Variants in LNPK observed in about 807,000 individuals in gnomAD.
LNPK encodes lunapark, ER junction formation factor, also known as endoplasmic reticulum junction formation protein lunapark.
A neutral mutation model predicts 55.2 loss-of-function variants in LNPK; 29 were observed. That is an observed-to-expected ratio of 0.53 (90% CI 0.39 to 0.72). The LOEUF (loss-of-function observed/expected upper bound fraction) is 0.72, where lower values mean the gene tolerates loss of function less well. Among genes scored for constraint, LNPK ranks in the 30% least tolerant of loss-of-function variants. LNPK has a pLI of 0.00. For synonymous variants in LNPK, 162 were observed against 168.2 expected, an observed-to-expected ratio of 0.96 and a Z score of 0.29; for missense variants, 467 against 494.8, an observed-to-expected ratio of 0.94 and a Z score of 0.53.
At chr2:175,959,264 G>A (rs1685878369) in intron 8 of LNPK, among the ~76,000 whole-genome samples, 1 of 152,194 alleles carries the variant, frequency 6.6e-6, no homozygotes, top group South Asian at 2.1e-4. Flanking sequence ...ACACGTAATT[G>A]TCAGATTCAC....
intron 12 of LNPK, among the ~76,000 whole-genome samples, chr2:175,936,961 C>T (rs898853914): frequency 1.3e-5 from 2 of 152,062 alleles, no homozygotes; most frequent in African/African-American, 4.8e-5. Context: ...CCTATTTTAT[C>T]AATATTAATC....
intron 8 of LNPK, among the ~76,000 whole-genome samples, chr2:175,950,659 T>A (rs1685352559): frequency 6.6e-6 from 1 of 152,130 alleles, no homozygotes. Flanking sequence ...GTCATAATTT[T>A]AGCTCCACCC....
At chr2:175,941,129 T>C (rs1427509904) in intron 9 of LNPK, 1 of 361,148 alleles carries the variant, frequency 2.8e-6, no homozygotes, top group Non-Finnish European at 5.5e-6. Context: ...CATGCACCTG[T>C]AGTCCCAGCT....
At chr2:175,957,634 C>G (rs1041610013) in intron 8 of LNPK, among the ~76,000 whole-genome samples, 230 of 152,252 alleles carry the variant, frequency 1.5e-3, no homozygotes, top group African/African-American at 5.3e-3. Flanking sequence ...CAGCTCCCAG[C>G]ACGATCAACA....
chr2:175,925,350 C>T lies in LNPK; in HGVS notation c.*4617G>A, dbSNP rs1683962538. ...GAACGATTCCAATTCAATTAAACAGCTATTTTTATTTAGTGCCCCCAATGT... is the reference window on the plus strand; with the variant it reads ...GAACGATTCCAATTCAATTAAACAGTTATTTTTATTTAGTGCCCCCAATGT... On this transcript the variant is annotated 3_prime_UTR_variant, in exon 13 of 13. Transcript: ENST00000272748. 1 of 152,144 alleles carries T rather than the reference C, an allele frequency of 6.6e-6. No homozygotes were observed. Among genetic ancestry groups the T allele is most frequent in the Non-Finnish European group, 1.5e-5 (1 of 68,028 alleles). The allele number at this position is 152,144 out of a possible 1,614,324, so 9.4% of individuals were successfully genotyped here.
At chr2:175,966,524 G>A (rs1010867563) in intron 6 of LNPK, among the ~76,000 whole-genome samples, 1 of 152,116 alleles carries the variant, frequency 6.6e-6, no homozygotes, top group Non-Finnish European at 1.5e-5. Context: ...TCGAATGATT[G>A]CATTCCTGGT....
At chr2:175,973,028 G>C (rs1453076125) in intron 5 of LNPK, among the ~76,000 whole-genome samples, 1 of 152,092 alleles carries the variant, frequency 6.6e-6, no homozygotes, top group East Asian at 1.9e-4. Flanking sequence ...CCTGCTTCTT[G>C]TTTCCATTTT....
intron 7 of LNPK, 23 bp downstream of exon 7, chr2:175,964,483 T>C: frequency 6.3e-7 from 1 of 1,583,322 alleles, no homozygotes; most frequent in Non-Finnish European, 8.7e-7. Flanking sequence ...TATAATAAAA[T>C]AGTAGTGATA....
At chr2:175,962,875 C>T (rs1158908390) in intron 8 of LNPK, among the ~76,000 whole-genome samples, 3 of 150,912 alleles carry the variant, frequency 2.0e-5, no homozygotes, top group Admixed American at 1.3e-4. Context: ...ACAAACAACC[C>T]CATCAAAAAG....
chr2:175,969,795 A>G (rs1686567026), intron 6 of LNPK, among the ~76,000 whole-genome samples: 1 of 152,222 alleles, frequency 6.6e-6, no homozygotes, highest in South Asian at 2.1e-4. Flanking sequence ...TTGCCAATGC[A>G]GTTTTGATAA....
chr2:175,978,327 G>A (rs761200479), intron 5 of LNPK, among the ~76,000 whole-genome samples: 8 of 152,184 alleles, frequency 5.3e-5, no homozygotes, highest in South Asian at 4.2e-4. Context: ...TTTATTCTCG[G>A]AGGGTATTGG....
intron 5 of LNPK, among the ~76,000 whole-genome samples, chr2:175,974,651 A>G (rs1686819837): frequency 6.6e-6 from 1 of 152,228 alleles, no homozygotes; most frequent in Non-Finnish European, 1.5e-5. Flanking sequence ...CTTGGCTTCC[A>G]GGCTGCAGCC....
At chr2:175,968,940 C>A (rs144280788) in intron 6 of LNPK, among the ~76,000 whole-genome samples, 3 of 151,804 alleles carry the variant, frequency 2.0e-5, no homozygotes, top group African/African-American at 7.3e-5. Context: ...ATCACTTGAA[C>A]CTGGGAGGCA....
In LNPK at chr2:175,929,280, T is replaced by C. The variant is rs993484103; in HGVS notation, c.*687A>G. On this transcript the variant is annotated 3_prime_UTR_variant, in exon 13 of 13. Coordinates refer to ENST00000272748, the MANE Select transcript of LNPK (RefSeq NM_030650.3). The stretch of plus-strand genomic sequence containing the variant: ...CTAGTGTGTAAATATAAACTAATTA[T>C]ATACATAATGTGCCTTTGGCCCAGT... 4.1e-6 allele frequency: 4 copies of C among 970,258 alleles called. No individual in the cohort carries two copies. Among genetic ancestry groups the C allele is most frequent in the Non-Finnish European group, 4.9e-6 (4 of 815,742 alleles). The allele number at this position is 970,258 out of a possible 1,614,324, so 60.1% of individuals were successfully genotyped here.
intron 4 of LNPK, among the ~76,000 whole-genome samples, chr2:175,980,904 C>CAAAA (rs369143349): frequency 3.0e-5 from 3 of 99,512 alleles, no homozygotes; most frequent in Non-Finnish European, 5.8e-5. Flanking sequence ...AAGACTGTCC[C>CAAAA]AAAAAAAAAA....
intron 4 of LNPK, among the ~76,000 whole-genome samples, chr2:175,984,265 G>A (rs1043094288): frequency 6.6e-6 from 1 of 151,168 alleles, no homozygotes; most frequent in African/African-American, 2.4e-5. Flanking sequence ...TGAAACCTCC[G>A]CCTCCTGGGT....
At position 175,926,818 on chromosome 2, in the gene LNPK, A is replaced by G. The variant is rs1242131685; in HGVS notation, c.*3149T>C. 6.6e-6 allele frequency: 1 copy of G among 152,210 alleles called. No individual in the cohort carries two copies. Among genetic ancestry groups the G allele is most frequent in the Non-Finnish European group, 1.5e-5 (1 of 68,028 alleles). The allele number at this position is 152,210 out of a possible 1,614,324, so 9.4% of individuals were successfully genotyped here. On this transcript the variant is annotated 3_prime_UTR_variant, in exon 13 of 13. Transcript: ENST00000272748. ...GATGAGTTTACAGCTTCTGGCTTAGAGAGTAACTCTATTTGATTAGATGAG... is the reference window on the plus strand; with the variant it reads ...GATGAGTTTACAGCTTCTGGCTTAGGGAGTAACTCTATTTGATTAGATGAG...
At chr2:175,940,320 C>G (rs1404733044) in intron 9 of LNPK, among the ~76,000 whole-genome samples, 1 of 151,376 alleles carries the variant, frequency 6.6e-6, no homozygotes, top group Non-Finnish European at 1.5e-5. Context: ...GAAAGGGTAC[C>G]AAGCAGGAGA....
At chr2:175,988,714 G>A (rs1248320693) in intron 4 of LNPK, among the ~76,000 whole-genome samples, 1 of 151,774 alleles carries the variant, frequency 6.6e-6, no homozygotes, top group Non-Finnish European at 1.5e-5. Context: ...TGTTTTTTGG[G>A]GCATACAACT....
Sources: allele counts gnomAD v4.1 joint callset (sites outside exome capture counted in the v4.1 genomes callset), GRCh38; gene constraint gnomAD v4.1.1; transcripts MANE v1.5; gene names NCBI Gene and HGNC (gene_info 2026-07-23, HGNC 2026-07-21).